Variants in SDC3 observed in about 807,000 individuals in gnomAD.
The protein encoded by SDC3 is syndecan-3.
SDC3 carries 13 observed loss-of-function variants against 24.4 expected under a neutral mutation model. The observed-to-expected ratio is 0.53, with a 90% CI of 0.35 to 0.85. The LOEUF (loss-of-function observed/expected upper bound fraction) is 0.85, where lower values mean the gene tolerates loss of function less well. Ranked by LOEUF, SDC3 falls within the 40% of genes least tolerant of loss-of-function variation. SDC3 has a pLI of 0.01. For missense variants in SDC3, 571 were observed against 584.5 expected (o/e 0.98, Z 0.24); for synonymous variants, 295 against 260.9 (o/e 1.13, Z -1.26).
intron 1 of SDC3, among the ~76,000 whole-genome samples, chr1:30,905,387 AC>A (rs1557528279): frequency 7.5e-6 from 1 of 133,386 alleles, no homozygotes; most frequent in African/African-American, 2.8e-5. Context: ...ACACACACAC[AC>A]GTCTCCCACC....
At chr1:30,880,015 C>T (rs1189441824) in intron 1 of SDC3, 3 of 152,504 alleles carry the variant, frequency 2.0e-5, no homozygotes, top group Admixed American at 2.0e-4. Flanking sequence ...GTCAGCATGC[C>T]TGGGGGTAAA....
rs1009965019 is a variant in SDC3, at chr1:30,869,552, A to C, written c.*3659T>G. ...ACAAACAAACAAAAAAAAAAAAAAA[A>C]AAAAAAAAACAAAAACAAAACCAGT... On this transcript the variant is annotated 3_prime_UTR_variant, in exon 5 of 5. Coordinates refer to ENST00000339394, the MANE Select transcript of SDC3 (RefSeq NM_014654.4). The C allele has an allele frequency of 4.0e-5, 16 of 397,612 alleles. No individual in the cohort carries two copies. The highest frequency in any genetic ancestry group is 4.0e-5 in the Non-Finnish European group (9 of 225,856). The allele number at this position is 397,612 out of a possible 1,614,324, so 24.6% of individuals were successfully genotyped here.
intron 1 of SDC3, among the ~76,000 whole-genome samples, chr1:30,898,094 G>A (rs138326533): frequency 5.5e-4 from 84 of 151,854 alleles, no homozygotes; most frequent in Middle Eastern, 6.8e-3. Context: ...TGAGGCACAG[G>A]GCCAGACACC....
At chr1:30,898,373 C>T (rs1638328847) in intron 1 of SDC3, among the ~76,000 whole-genome samples, 1 of 152,164 alleles carries the variant, frequency 6.6e-6, no homozygotes, top group South Asian at 2.1e-4. Flanking sequence ...ATCAACCTCT[C>T]ATTACCCCAC....
chr1:30,904,094 A>G (rs1403831621), intron 1 of SDC3, among the ~76,000 whole-genome samples: 1 of 152,094 alleles, frequency 6.6e-6, no homozygotes, highest in East Asian at 1.9e-4. Context: ...GTGTGGTGTC[A>G]GGTGCCTGTA....
intron 1 of SDC3, among the ~76,000 whole-genome samples, chr1:30,884,282 C>CA (rs1000492360): frequency 2.0e-5 from 3 of 151,954 alleles, no homozygotes; most frequent in Non-Finnish European, 4.4e-5. Context: ...CAGACCCCCC[C>CA]CAAGAAAAAT....
chr1:30,885,919 TC>T (rs1639820272), intron 1 of SDC3, among the ~76,000 whole-genome samples: 1 of 152,086 alleles, frequency 6.6e-6, no homozygotes, highest in Non-Finnish European at 1.5e-5. Context: ...CCAGGCCCCC[TC>T]CTCAACCCAG....
chr1:30,908,614 CGGCGGGCG>C lies in SDC3; in HGVS notation c.-36_-29del. The C allele has an allele frequency of 1.1e-6, 1 of 922,318 alleles. No homozygotes were observed. Among genetic ancestry groups the C allele is most frequent in the Non-Finnish European group, 1.3e-6 (1 of 776,932 alleles). 57.1% of individuals were successfully genotyped at this position (922,318 alleles called of 1,614,324 possible). On this transcript the variant is annotated 5_prime_UTR_variant, in exon 1 of 5. Transcript: ENST00000339394. ...CGGCGGCGCGGGCGCGGGCGGCGGG[CGGCGGGCG>C]GGCGCCTTTGTTCCCGAGGCGCGGC... is the stretch of plus-strand genomic sequence containing the variant.
At chr1:30,875,439 A>G (rs985360762) in intron 3 of SDC3, among the ~76,000 whole-genome samples, 1 of 152,130 alleles carries the variant, frequency 6.6e-6, no homozygotes, top group Non-Finnish European at 1.5e-5. Flanking sequence ...TGAGGAGGCA[A>G]GGGAAGGGCC....
intron 1 of SDC3, among the ~76,000 whole-genome samples, chr1:30,896,137 G>A (rs549930724): frequency 2.0e-5 from 3 of 152,314 alleles, no homozygotes; most frequent in South Asian, 2.1e-4. Context: ...GGGGAGAAAG[G>A]ACCAAATGTG....
At chr1:30,884,198 G>C (rs908630702) in intron 1 of SDC3, among the ~76,000 whole-genome samples, 1 of 152,128 alleles carries the variant, frequency 6.6e-6, no homozygotes, top group African/African-American at 2.4e-5. Context: ...GGGCTATGGA[G>C]CCCAAGTCCC....
intron 1 of SDC3, among the ~76,000 whole-genome samples, chr1:30,899,935 A>C (rs1638379664): frequency 6.6e-6 from 1 of 152,242 alleles, no homozygotes; most frequent in Non-Finnish European, 1.5e-5. Flanking sequence ...AACGCAGTCA[A>C]TCAAGACAGG....
chr1:30,896,154 G>A (rs1217891549), intron 1 of SDC3, among the ~76,000 whole-genome samples: 1 of 152,218 alleles, frequency 6.6e-6, no homozygotes, highest in African/African-American at 2.4e-5. Context: ...TGTGACAACA[G>A]GGGAGAACTA....
chr1:30,908,089 C>T (rs574788856), intron 1 of SDC3, among the ~76,000 whole-genome samples: 7 of 151,900 alleles, frequency 4.6e-5, no homozygotes, highest in Admixed American at 2.0e-4. Context: ...AGACAGTTCC[C>T]GGAGCCACTG....
intron 1 of SDC3, among the ~76,000 whole-genome samples, chr1:30,896,701 A>C (rs771503385): frequency 2.6e-5 from 4 of 152,246 alleles, no homozygotes; most frequent in Non-Finnish European, 5.9e-5. Context: ...ATTTGGGAGC[A>C]TTTTGGGCTC....
In SDC3 at chr1:30,874,502, C is replaced by T; in HGVS notation, c.957G>A (p.Leu319=). ...VSGGPSGDFE[L]PEEETTQPDT... is the part of the protein sequence containing the mutation. Reference sequence around the variant, plus strand: ...CTGGTTGTGTGGTCTCTTCTTCTGGCAGCTCGAAGTCTCCACTGGGCCCCC... The same window carrying T: ...CTGGTTGTGTGGTCTCTTCTTCTGGTAGCTCGAAGTCTCCACTGGGCCCCC... The change falls in exon 4 of 5, where the codon CTG becomes CTA. Residue 319 remains leucine, a synonymous_variant. Coordinates refer to ENST00000339394, the MANE Select transcript of SDC3 (RefSeq NM_014654.4). The T allele has an allele frequency of 6.2e-7, 1 of 1,614,180 alleles. No homozygotes were observed. The highest frequency in any genetic ancestry group is 8.5e-7 in the Non-Finnish European group (1 of 1,180,030).
intron 1 of SDC3, among the ~76,000 whole-genome samples, chr1:30,883,480 A>G (rs1450960686): frequency 6.6e-6 from 1 of 152,222 alleles, no homozygotes; most frequent in African/African-American, 2.4e-5. Context: ...AGCTCTGCTT[A>G]CTTGCTGGGT....
chr1:30,894,757 G>A (rs1570021407), intron 1 of SDC3, among the ~76,000 whole-genome samples: 1 of 151,746 alleles, frequency 6.6e-6, no homozygotes, highest in Non-Finnish European at 1.5e-5. Context: ...GCGTACACAG[G>A]CATGCACATG....
chr1:30,897,590 C>A (rs1266190911), intron 1 of SDC3, among the ~76,000 whole-genome samples: 5 of 152,170 alleles, frequency 3.3e-5, no homozygotes, highest in African/African-American at 1.2e-4. Context: ...AGTTCAGGTA[C>A]CCAGCAAGGC....
Sources: gnomAD v4.1 joint callset for allele counts (sites outside exome capture counted in the v4.1 genomes callset) on GRCh38, gnomAD v4.1.1 for gene constraint, MANE v1.5 for transcripts, NCBI Gene and HGNC (gene_info 2026-07-23, HGNC 2026-07-21) for gene names.